The following KCNIP4 variants were observed in gnomAD, a reference collection of about 807,000 sequenced individuals.
The protein encoded by KCNIP4 is potassium voltage-gated channel interacting protein 4, also known as Kv channel-interacting protein 4.
In KCNIP4, 12 loss-of-function variants were observed where a neutral mutation model predicts 34.0. The ratio of observed to expected loss-of-function variants is 0.35; its 90% CI spans 0.23 to 0.57. The LOEUF (loss-of-function observed/expected upper bound fraction) is 0.57, where lower values mean the gene tolerates loss of function less well. Ranked by LOEUF, KCNIP4 falls within the 20% of genes least tolerant of loss-of-function variation. The pLI is 0.83. For synonymous variants in KCNIP4, 124 were observed against 102.2 expected, an observed-to-expected ratio of 1.21 and a Z score of -1.29; for missense variants, 238 against 311.7, an observed-to-expected ratio of 0.76 and a Z score of 1.78.
intron 1 of KCNIP4, among the ~76,000 whole-genome samples, chr4:21,016,622 T>C (rs1440557442): frequency 6.6e-6 from 1 of 151,874 alleles, no homozygotes; most frequent in Non-Finnish European, 1.5e-5. Context: ...TATTTTTATT[T>C]TTTTCGGATG....
intron 1 of KCNIP4, among the ~76,000 whole-genome samples, chr4:21,861,165 C>A (rs760292562): frequency 2.0e-5 from 3 of 152,190 alleles, no homozygotes; most frequent in Non-Finnish European, 2.9e-5. Flanking sequence ...CAAGGCTTTT[C>A]ATATTTCAAA....
At chr4:21,283,656 G>C (rs1275045039) in intron 1 of KCNIP4, among the ~76,000 whole-genome samples, 1 of 105,076 alleles carries the variant, frequency 9.5e-6, no homozygotes, top group East Asian at 3.5e-4. Context: ...TTCATGGGGA[G>C]GGGGGAGGGG....
At chr4:20,979,739 C>T (rs751939393) in intron 1 of KCNIP4, among the ~76,000 whole-genome samples, 10 of 151,958 alleles carry the variant, frequency 6.6e-5, no homozygotes, top group Non-Finnish European at 1.3e-4. Context: ...TTCACCTACC[C>T]CCAGGTTGAC....
intron 1 of KCNIP4, among the ~76,000 whole-genome samples, chr4:21,274,966 T>C (rs997187758): frequency 8.5e-5 from 13 of 152,140 alleles, no homozygotes; most frequent in African/African-American, 3.1e-4. Flanking sequence ...AATGTTAAAA[T>C]TTAAAAGAAA....
At chr4:20,852,100 GA>G (rs1309389981) in intron 2 of KCNIP4, among the ~76,000 whole-genome samples, 1 of 152,232 alleles carries the variant, frequency 6.6e-6, no homozygotes, top group Admixed American at 6.5e-5. Context: ...AGGAGATAGA[GA>G]AAGAAGGAAA....
chr4:21,692,206 A>G (rs1711737095), intron 1 of KCNIP4, among the ~76,000 whole-genome samples: 1 of 152,150 alleles, frequency 6.6e-6, no homozygotes. Flanking sequence ...CTTACCTACT[A>G]TGCTAATTAT....
chr4:21,238,868 G>GA (rs373765366), intron 1 of KCNIP4, among the ~76,000 whole-genome samples: 4,334 of 151,936 alleles, frequency 0.029, 72 homozygotes, highest in Middle Eastern at 0.044. Flanking sequence ...CACAGAATTG[G>GA]AAAAAAACTA....
chr4:21,519,312 A>G (rs909890513), intron 1 of KCNIP4, among the ~76,000 whole-genome samples: 1 of 151,624 alleles, frequency 6.6e-6, no homozygotes, highest in African/African-American at 2.4e-5. Context: ...AGGGTTCTCT[A>G]GAGGGACAGA....
chr4:21,432,091 C>CATATATATAT (rs71655634), intron 1 of KCNIP4, among the ~76,000 whole-genome samples: 475 of 36,326 alleles, frequency 0.013, 25 homozygotes, highest in Non-Finnish European at 0.018. Context: ...AAAATGGAAG[C>CATATATATAT]ATATATATAT....
intron 1 of KCNIP4, among the ~76,000 whole-genome samples, chr4:21,283,497 T>G (rs1762907058): frequency 6.6e-6 from 1 of 151,988 alleles, no homozygotes; most frequent in African/African-American, 2.4e-5. Flanking sequence ...ATATCATAGA[T>G]CTTTTCATTT....
At chr4:21,892,522 TAA>T (rs1164919066) in intron 1 of KCNIP4, among the ~76,000 whole-genome samples, 10 of 92,212 alleles carry the variant, frequency 1.1e-4, no homozygotes, top group Non-Finnish European at 2.2e-4. Context: ...ATTATGACTT[TAA>T]AAAAAAAAAA....
chr4:21,678,004 G>A (rs1356032230), intron 1 of KCNIP4, among the ~76,000 whole-genome samples: 2 of 152,052 alleles, frequency 1.3e-5, no homozygotes, highest in East Asian at 1.9e-4. Context: ...TGCCTGCCTC[G>A]GCGTCCCAAA....
intron 1 of KCNIP4, among the ~76,000 whole-genome samples, chr4:21,332,562 T>A (rs1409940657): frequency 6.6e-6 from 1 of 152,002 alleles, no homozygotes; most frequent in African/African-American, 2.4e-5. Flanking sequence ...ACATCTCAAG[T>A]CAGAAACACA....
intron 1 of KCNIP4, among the ~76,000 whole-genome samples, chr4:21,347,843 A>G (rs549840150): frequency 6.6e-6 from 1 of 152,288 alleles, no homozygotes; most frequent in South Asian, 2.1e-4. Context: ...AAATAATAAA[A>G]TAATACATCC....
chr4:20,921,962 C>T (rs1240440839), intron 1 of KCNIP4, among the ~76,000 whole-genome samples: 1 of 152,144 alleles, frequency 6.6e-6, no homozygotes, highest in Non-Finnish European at 1.5e-5. Context: ...CATTTTTTAT[C>T]TCAATTAAAA....
intron 1 of KCNIP4, among the ~76,000 whole-genome samples, chr4:21,566,819 A>G (rs1186151975): frequency 6.6e-6 from 1 of 152,124 alleles, no homozygotes; most frequent in Non-Finnish European, 1.5e-5. Flanking sequence ...ACCAGACATC[A>G]GTTGCTGGGG....
At chr4:21,356,108 C>A (rs1718566231) in intron 1 of KCNIP4, among the ~76,000 whole-genome samples, 5 of 151,888 alleles carry the variant, frequency 3.3e-5, no homozygotes. Context: ...CAGCCTTCGA[C>A]AAAATTCAAC....
intron 1 of KCNIP4, among the ~76,000 whole-genome samples, chr4:21,773,013 G>A (rs373819276): frequency 6.6e-5 from 10 of 152,086 alleles, no homozygotes; most frequent in Admixed American, 2.0e-4. Context: ...GGATGTTAGC[G>A]TGTCAATTTG....
chr4:21,150,038 C>T (rs1752649278), intron 1 of KCNIP4, among the ~76,000 whole-genome samples: 1 of 152,066 alleles, frequency 6.6e-6, no homozygotes, highest in Admixed American at 6.6e-5. Flanking sequence ...TATCTGTTGT[C>T]ATATCAGGGC....
Sources: gnomAD v4.1 joint callset for allele counts (sites outside exome capture counted in the v4.1 genomes callset) on GRCh38, gnomAD v4.1.1 for gene constraint, MANE v1.5 for transcripts, NCBI Gene and HGNC (gene_info 2026-07-23, HGNC 2026-07-21) for gene names.